DSE: variants seen among roughly 807,000 people sequenced by gnomAD.
The protein encoded by DSE is dermatan-sulfate epimerase.
DSE carries 36 observed loss-of-function variants against 84.4 expected under a neutral mutation model. The observed-to-expected ratio is 0.43, with a 90% confidence interval of 0.33 to 0.56. The LOEUF (loss-of-function observed/expected upper bound fraction) is 0.56. DSE is among the 20% of genes least tolerant of loss of function. DSE has a pLI of 0.06. For synonymous variants in DSE, 410 were observed against 430.1 expected (o/e 0.95, Z 0.58); for missense variants, 862 against 1,169.6 (o/e 0.74, Z 3.84).
chr6:116,353,025 AAGAG>A (rs1170207114), intron 2 of DSE, among the ~76,000 whole-genome samples: 2 of 152,202 alleles, frequency 1.3e-5, no homozygotes, highest in Non-Finnish European at 2.9e-5. Context: ...TTAATAGGGT[AAGAG>A]AGAGATATGA....
At chr6:116,258,756 A>G (rs1582901170) in exon 2 of DSE, 1 of 1,609,774 alleles carries the variant, frequency 6.2e-7, no homozygotes, top group Non-Finnish European at 8.5e-7. Context: ...CCTCCCGGGG[A>G]CCACTGTTGA....
At chr6:116,314,209 A>G (rs891061279) in intron 2 of DSE, among the ~76,000 whole-genome samples, 23 of 152,202 alleles carry the variant, frequency 1.5e-4, no homozygotes, top group Non-Finnish European at 2.8e-4. Context: ...ATATGGCAGG[A>G]CTATAAATAG....
chr6:116,299,551 T>TATATACACAC (rs1554209343), intron 2 of DSE, among the ~76,000 whole-genome samples: 10 of 53,670 alleles, frequency 1.9e-4, no homozygotes, highest in African/African-American at 3.8e-4. Flanking sequence ...TATATATATA[T>TATATACACAC]ACACATACAC....
At chr6:116,325,968 C>A (rs184235097) in intron 2 of DSE, among the ~76,000 whole-genome samples, 2 of 152,040 alleles carry the variant, frequency 1.3e-5, no homozygotes, top group Non-Finnish European at 2.9e-5. Flanking sequence ...TGGGGCTGCA[C>A]GCACCAGTAA....
At chr6:116,279,870 T>C in intron 2 of DSE, 2 of 1,613,052 alleles carry the variant, frequency 1.2e-6, no homozygotes, top group Non-Finnish European at 1.7e-6. Flanking sequence ...AACGCCCGTT[T>C]TCCTCAGAGG....
chr6:116,325,600 TACA>T (rs768715310), intron 2 of DSE, among the ~76,000 whole-genome samples: 6 of 152,230 alleles, frequency 3.9e-5, no homozygotes, highest in Non-Finnish European at 8.8e-5. Flanking sequence ...AAGATGTTTA[TACA>T]ACGTCTGTTT....
chr6:116,430,156 T>A (rs1246401858), intron 3 of DSE, among the ~76,000 whole-genome samples: 1 of 152,224 alleles, frequency 6.6e-6, no homozygotes, highest in East Asian at 1.9e-4. Flanking sequence ...GGATTCCTAG[T>A]TGATTTTTCA....
chr6:116,279,462 CT>C, intron 2 of DSE: 1 of 1,613,100 alleles, frequency 6.2e-7, no homozygotes. Flanking sequence ...CCTGAACGCC[CT>C]TTTTCAGGCT....
intron 3 of DSE, 94 bp downstream of exon 3, chr6:116,426,921 A>T: frequency 6.8e-7 from 1 of 1,477,460 alleles, no homozygotes; most frequent in South Asian, 1.4e-5. Flanking sequence ...TTCTTAGTAC[A>T]TGTTCATACT....
rs1781811557 is a variant in DSE, at chr6:116,404,798, A to T, written c.416+5132A>T. Among the ~76,000 whole-genome samples the T allele has an allele frequency of 2.0e-5, 3 of 152,282 alleles. No individual in the cohort carries two copies. The South Asian group carries it at 6.2e-4, about 32-fold the overall frequency. The stretch of plus-strand genomic sequence containing the variant: ...TGTCACTCTGGAGTTGTGTTTTTGA[A>T]AAGTATTTGTTGTGACTCTTTAGTT... On this transcript the variant is annotated intron_variant, in intron 2 of 5. Coordinates refer to ENST00000644252, the MANE Select transcript of DSE (RefSeq NM_013352.4).
chr6:116,317,998 T>A (rs1776082526), intron 2 of DSE, among the ~76,000 whole-genome samples: 1 of 152,220 alleles, frequency 6.6e-6, no homozygotes, highest in Non-Finnish European at 1.5e-5. Flanking sequence ...TTGAGGGTTT[T>A]TTAAACCTCA....
intron 1 of DSE, among the ~76,000 whole-genome samples, chr6:116,390,509 T>G (rs979315852): frequency 6.6e-6 from 1 of 152,190 alleles, no homozygotes; most frequent in Non-Finnish European, 1.5e-5. Flanking sequence ...AGGCAAAAAT[T>G]ACTACTTTTT....
intron 2 of DSE, among the ~76,000 whole-genome samples, chr6:116,402,271 CA>C (rs1197477764): frequency 1.3e-4 from 20 of 152,274 alleles, no homozygotes. Flanking sequence ...ATGACTTAAA[CA>C]TTTGTATCAT....
upstream of DSE, chr6:116,370,886 G>A (rs571701243): frequency 1.3e-4 from 129 of 985,628 alleles, no homozygotes; most frequent in Middle Eastern, 1.0e-3. Flanking sequence ...CTCAGCGCCC[G>A]CCGCGTCCCT....
chr6:116,264,446 T>C (rs1000578772), intron 2 of DSE, among the ~76,000 whole-genome samples: 2 of 152,152 alleles, frequency 1.3e-5, no homozygotes, highest in Non-Finnish European at 1.5e-5. Flanking sequence ...CTACAGTCTT[T>C]TCTATACTGG....
intron 2 of DSE, chr6:116,355,593 C>T (rs1372889161): frequency 6.6e-6 from 1 of 152,154 alleles, no homozygotes; most frequent in Non-Finnish European, 1.5e-5. Context: ...CATATACCCG[C>T]TTCTTTCATG....
chr6:116,286,867 C>T (rs1399351789), intron 2 of DSE, among the ~76,000 whole-genome samples: 1 of 152,068 alleles, frequency 6.6e-6, no homozygotes. Flanking sequence ...CCCCTTGGTA[C>T]ATGTTACTGT....
At chr6:116,261,291 G>A (rs113897986) in intron 2 of DSE, among the ~76,000 whole-genome samples, 130 of 152,026 alleles carry the variant, frequency 8.6e-4, no homozygotes, top group Non-Finnish European at 1.7e-3. Context: ...GCAGTGGTGC[G>A]ATATCAGTTC....
chr6:116,392,193 G>A (rs897910658), intron 1 of DSE, among the ~76,000 whole-genome samples: 1 of 152,210 alleles, frequency 6.6e-6, no homozygotes, highest in Non-Finnish European at 1.5e-5. Context: ...AGAAGGCAAT[G>A]CAGCCCTGTC....
Sources: allele counts gnomAD v4.1 joint callset (sites outside exome capture counted in the v4.1 genomes callset), GRCh38; gene constraint gnomAD v4.1.1; transcripts MANE v1.5; gene names NCBI Gene and HGNC (gene_info 2026-07-23, HGNC 2026-07-21).